The following PCSK4 variants were observed in gnomAD, a reference collection of about 807,000 sequenced individuals.
PCSK4 encodes the protein testicular tissue protein Li 135.
A neutral mutation model predicts 80.3 loss-of-function variants in PCSK4; 64 were observed. That is an observed-to-expected ratio of 0.80 (90% CI 0.65 to 0.98). PCSK4 has a LOEUF of 0.98. Among genes scored for constraint, PCSK4 ranks in the 50% least tolerant of loss-of-function variants. The pLI is 0.00. For missense variants in PCSK4, 1,213 were observed against 1,093.6 expected (o/e 1.11, Z -1.54); for synonymous variants, 561 against 487.6 (o/e 1.15, Z -1.98).
exon 11 of PCSK4, chr19:1,483,664 G>T (rs759238423): frequency 6.3e-7 from 1 of 1,593,396 alleles, no homozygotes; most frequent in Admixed American, 1.7e-5. Context: ...GGCGGCTCTG[G>T]ACCCGGACGG....
At chr19:1,481,795 G>A (rs1238484306) in exon 15 of PCSK4, 5 of 1,517,066 alleles carry the variant, frequency 3.3e-6, no homozygotes, top group Non-Finnish European at 4.4e-6. Flanking sequence ...GGGGTTTGGT[G>A]GGGGTGGCCC....
At chr19:1,483,102 C>A in intron 12 of PCSK4, 82 bp from the exon 13 acceptor site, 1 of 1,359,630 alleles carries the variant, frequency 7.4e-7, no homozygotes. Flanking sequence ...AAGTGTCTGA[C>A]CGCACGCGCT....
intron 2 of PCSK4, 84 bp downstream of exon 2, chr19:1,489,709 C>G: frequency 1.3e-6 from 2 of 1,531,618 alleles, no homozygotes; most frequent in Non-Finnish European, 1.8e-6. Flanking sequence ...TTCATAACAA[C>G]CACGAGAACC....
chr19:1,489,846 G>A lies in PCSK4; in HGVS notation c.241C>T (p.Gln81Ter). 3 of 1,611,168 alleles carry A rather than the reference G, an allele frequency of 1.9e-6. No individual in the cohort carries two copies. Among genetic ancestry groups the A allele is most frequent in the Non-Finnish European group, 2.5e-6 (3 of 1,179,074 alleles). The change falls in exon 2 of 15, where the codon CAG (glutamine) becomes TAG (stop). Residue 81 changes from glutamine to a stop codon, truncating the protein, a stop_gained. Coordinates refer to ENST00000300954, the Ensembl canonical transcript of PCSK4. LOFTEE classifies it high-confidence loss of function. ...TGGCCCCAGTGCGGGGTCAGGGACT[G>A]CTGGACCACGCCCCGGTGCCGCAGG...
chr19:1,484,010 G>C lies in PCSK4; in HGVS notation c.1169+17C>G. Reference sequence around the variant, plus strand: ...CCTGGGGGCGAGGGCGGTGGACCGGGCCCCGCAGTCACCTACTTGGCCTCC... The same window carrying C: ...CCTGGGGGCGAGGGCGGTGGACCGGCCCCCGCAGTCACCTACTTGGCCTCC... On this transcript the variant is annotated intron_variant, in intron 9 of 14. Coordinates refer to ENST00000300954, the Ensembl canonical transcript of PCSK4. The C allele has an allele frequency of 2.6e-6, 4 of 1,523,290 alleles. No homozygotes were observed. Among genetic ancestry groups the C allele is most frequent in the Non-Finnish European group, 3.5e-6 (4 of 1,135,844 alleles). The allele number at this position is 1,523,290 out of a possible 1,614,324, so 94.4% of individuals were successfully genotyped here.
chr19:1,482,226 G>T lies in PCSK4; in HGVS notation c.1820-19C>A. On this transcript the variant is annotated intron_variant, in intron 14 of 14. Transcript: ENST00000300954. ...TCACACGCTGCTCGGGGACACGCAC[G>T]CAAAGGCCCGTCAGCTTGCCACCCG... 1 of 1,524,238 alleles carries T rather than the reference G, an allele frequency of 6.6e-7. No individual in the cohort carries two copies. Among genetic ancestry groups the T allele is most frequent in the Non-Finnish European group, 8.8e-7 (1 of 1,140,542 alleles). 94.4% of individuals were successfully genotyped at this position (1,524,238 alleles called of 1,614,324 possible).
At position 1,487,018 on chromosome 19, in the gene PCSK4, G is replaced by T. The variant is rs370729908; in HGVS notation, c.903C>A (p.Gly301=). 5 of 1,608,546 alleles carry T rather than the reference G, an allele frequency of 3.1e-6. No homozygotes were observed. The East Asian group carries it at 1.1e-4, about 36-fold the overall frequency. Residue 301 remains glycine (G), a synonymous_variant, in exon 8 of 15, where the codon GGC becomes GGA. Transcript: ENST00000300954. ...AGTTGCAGTTGTCGTAGTGCAGGCC[G>T]CCGTTGCCCGAGGCCCAGATGAAGA...
chr19:1,487,484 G>A, intron 6 of PCSK4, 119 bp downstream of exon 6: 2 of 1,036,802 alleles, frequency 1.9e-6, no homozygotes, highest in East Asian at 2.6e-5. Context: ...GGAGTCTGGG[G>A]CCCTAGCACC....
At chr19:1,490,515 C>T (rs1306201756), upstream of PCSK4, 5 of 513,928 alleles carry the variant, frequency 9.7e-6, no homozygotes, top group South Asian at 8.3e-5. Context: ...CTAACAGAAG[C>T]GGGAGAGGGA....
chr19:1,483,430 G>A (rs2084416480), exon 12 of PCSK4: 1 of 1,597,356 alleles, frequency 6.3e-7, no homozygotes, highest in Non-Finnish European at 8.5e-7. Context: ...AGGCCGATAC[G>A]TTTTCCCTGA....
upstream of PCSK4, chr19:1,490,515 C>G (rs1306201756): frequency 1.9e-6 from 1 of 513,928 alleles, no homozygotes; most frequent in East Asian, 3.4e-5. Flanking sequence ...CTAACAGAAG[C>G]GGGAGAGGGA....
Position 1,482,214 on chromosome 19 carries a change from G to C in PCSK4, c.1820-7C>G. The C allele has an allele frequency of 3.3e-6, 5 of 1,529,610 alleles. No individual in the cohort carries two copies. The highest frequency in any genetic ancestry group is 3.5e-6 in the Non-Finnish European group (4 of 1,143,452). 94.8% of individuals were successfully genotyped at this position (1,529,610 alleles called of 1,614,324 possible). A position where few individuals can be genotyped will look rare whatever the true frequency, so the allele number is the denominator to read the frequency against. ...TAGGCGGGGCCGTCACACGCTGCTC[G>C]GGGACACGCACGCAAAGGCCCGTCA... On this transcript the variant is annotated splice_region_variant and splice_polypyrimidine_tract_variant and intron_variant, in intron 14 of 14. Coordinates refer to ENST00000300954, the Ensembl canonical transcript of PCSK4.
At chr19:1,484,882 C>T (rs1301734939) in intron 8 of PCSK4, among the ~76,000 whole-genome samples, 2 of 152,206 alleles carry the variant, frequency 1.3e-5, no homozygotes, top group East Asian at 3.9e-4. Context: ...CAGTGGCTCA[C>T]GCCTGTAGTC....
intron 6 of PCSK4, 56 bp downstream of exon 6, chr19:1,487,547 G>T: frequency 1.4e-6 from 2 of 1,441,648 alleles, no homozygotes; most frequent in Non-Finnish European, 1.9e-6. Context: ...CTCCCCGCCA[G>T]AGTCACCCCC....
chr19:1,482,913 C>G (rs2084379733), exon 13 of PCSK4: 5 of 1,613,258 alleles, frequency 3.1e-6, no homozygotes, highest in Non-Finnish European at 4.2e-6. Flanking sequence ...GAAATAGTAG[C>G]CCTTGTTCTC....
chr19:1,482,969 G>C, exon 13 of PCSK4: 2 of 1,611,576 alleles, frequency 1.2e-6, no homozygotes, highest in Non-Finnish European at 1.7e-6. Context: ...CCCAGAAGTG[G>C]GTGGACATGA....
chr19:1,486,276 C>A (rs1481925360), intron 8 of PCSK4, among the ~76,000 whole-genome samples: 1 of 151,424 alleles, frequency 6.6e-6, no homozygotes, highest in Non-Finnish European at 1.5e-5. Flanking sequence ...TGTGCTTGGC[C>A]TGGATTTGGG....
chr19:1,489,632 T>C, intron 2 of PCSK4, 161 bp downstream of exon 2: 1 of 1,306,578 alleles, frequency 7.7e-7, no homozygotes, highest in Non-Finnish European at 1.0e-6. Context: ...ATCTGGGTCT[T>C]CCTGCCTCCT....
chr19:1,482,805 T>C, intron 13 of PCSK4, 91 bp downstream of exon 13: 1 of 1,398,690 alleles, frequency 7.1e-7, no homozygotes, highest in Non-Finnish European at 1.0e-6. Flanking sequence ...GGAACCCCTT[T>C]TGCAGTGCGG....
Sources: gnomAD v4.1 joint callset for allele counts (sites outside exome capture counted in the v4.1 genomes callset) on GRCh38, gnomAD v4.1.1 for gene constraint, MANE v1.5 for transcripts, NCBI Gene and HGNC (gene_info 2026-07-23, HGNC 2026-07-21) for gene names.